SRGAP3: variants seen among roughly 807,000 people sequenced by gnomAD.
SRGAP3 encodes SLIT-ROBO Rho GTPase activating protein 3.
Under a neutral mutation model 121.1 loss-of-function variants are expected in SRGAP3, and 39 were observed. The ratio of observed to expected loss-of-function variants is 0.32; its 90% CI spans 0.25 to 0.42. SRGAP3 has a LOEUF of 0.42. SRGAP3 is among the 10% of genes least tolerant of loss of function. SRGAP3 has a pLI of 1.00. For synonymous variants in SRGAP3, 601 were observed against 570.0 expected (o/e 1.05, Z -0.77); for missense variants, 1,213 against 1,470.6 (o/e 0.82, Z 2.86).
At chr3:9,041,991 C>T (rs1945033367) in intron 10 of SRGAP3, among the ~76,000 whole-genome samples, 1 of 151,650 alleles carries the variant, frequency 6.6e-6, no homozygotes, top group African/African-American at 2.4e-5. Context: ...ATCCCGGCTA[C>T]TCGGGAGGCT....
At chr3:8,994,661 G>T in intron 18 of SRGAP3, 138 bp from the exon 19 acceptor site, 1 of 1,159,408 alleles carries the variant, frequency 8.6e-7, no homozygotes, top group Non-Finnish European at 1.2e-6. Context: ...CGCCTGGTGG[G>T]CTGGGGCTCA....
chr3:9,325,150 C>T (rs1422145081), intron 3 of SRGAP3, among the ~76,000 whole-genome samples: 6 of 151,764 alleles, frequency 4.0e-5, no homozygotes, highest in African/African-American at 1.4e-4. Context: ...AGAGAGACTA[C>T]TTGACGTTCT....
At chr3:9,340,537 C>T (rs1955768156) in intron 1 of SRGAP3, among the ~76,000 whole-genome samples, 1 of 152,180 alleles carries the variant, frequency 6.6e-6, no homozygotes, top group Non-Finnish European at 1.5e-5. Context: ...CACATGCCCT[C>T]CTTTAATGTG....
At chr3:8,987,013 C>T (rs539277019) in intron 21 of SRGAP3, among the ~76,000 whole-genome samples, 6 of 152,328 alleles carry the variant, frequency 3.9e-5, no homozygotes, top group East Asian at 1.9e-4. Flanking sequence ...CACAGGGCCC[C>T]GGACTTTTGA....
At chr3:9,299,304 T>C (rs1203628503) in intron 3 of SRGAP3, among the ~76,000 whole-genome samples, 1 of 141,660 alleles carries the variant, frequency 7.1e-6, no homozygotes, top group Non-Finnish European at 1.5e-5. Context: ...GAGACTGCAG[T>C]GAGCCAAGAT....
intron 4 of SRGAP3, among the ~76,000 whole-genome samples, chr3:9,070,250 T>C (rs1946637562): frequency 6.6e-6 from 1 of 152,216 alleles, no homozygotes; most frequent in Non-Finnish European, 1.5e-5. Context: ...AGGATAAGGA[T>C]CAGTTGTTAG....
chr3:9,008,440 T>C (rs1943192563), intron 18 of SRGAP3: 1 of 131,566 alleles, frequency 7.6e-6, no homozygotes, highest in Non-Finnish European at 1.6e-5. Flanking sequence ...ATGACAGGAG[T>C]AGGAGAGAGA....
At chr3:9,094,877 T>A (rs1947906049) in intron 3 of SRGAP3, among the ~76,000 whole-genome samples, 1 of 152,032 alleles carries the variant, frequency 6.6e-6, no homozygotes, top group Admixed American at 6.6e-5. Flanking sequence ...CACCTCAGCC[T>A]CCTGAGTAGC....
intron 3 of SRGAP3, among the ~76,000 whole-genome samples, chr3:9,098,818 AAT>A (rs1948093373): frequency 6.6e-6 from 1 of 152,206 alleles, no homozygotes; most frequent in Non-Finnish European, 1.5e-5. Flanking sequence ...TGCTAGTGCT[AAT>A]ATATGTTTAT....
chr3:9,224,361 G>C (rs1952916774), intron 1 of SRGAP3, among the ~76,000 whole-genome samples: 1 of 152,188 alleles, frequency 6.6e-6, no homozygotes, highest in Middle Eastern at 3.2e-3. Flanking sequence ...GGAGGAAAGT[G>C]TGAAGGGAGA....
chr3:8,990,591 G>A lies in SRGAP3; in HGVS notation c.2807C>T (p.Ser936Leu), dbSNP rs199811959. ...PDKKALSEGHSMRSTCGSTRH... is the reference protein window; with the variant it reads ...PDKKALSEGHLMRSTCGSTRH... ...GGTGGAACCGCAGGTCGACCTCATC[G>A]AGTGCCCTTCGGAGAGCGCCTTCTT... The change falls in exon 21 of 22, where the codon TCG (serine) becomes TTG (leucine). Residue 936 changes from serine (S) to leucine (L), a missense_variant. Physicochemically the swap from Ser to Leu is moderately radical, Grantham distance 145. This residue lies in a region of SRGAP3 where 420 missense variants were observed against 437.7 expected (regional missense o/e 0.96). Coordinates refer to ENST00000383836, the MANE Select transcript of SRGAP3 (RefSeq NM_014850.4). The A allele has an allele frequency of 1.3e-4, 213 of 1,601,762 alleles. No homozygotes were observed. The highest frequency in any genetic ancestry group is 1.7e-4 in the Non-Finnish European group (195 of 1,174,738).
chr3:9,062,257 G>A (rs760900958), intron 5 of SRGAP3, among the ~76,000 whole-genome samples: 7 of 152,086 alleles, frequency 4.6e-5, no homozygotes, highest in Non-Finnish European at 8.8e-5. Context: ...ATGAGAACTG[G>A]AGAGAAGTGG....
intron 1 of SRGAP3, among the ~76,000 whole-genome samples, chr3:9,247,206 A>G (rs1485373453): frequency 6.6e-6 from 1 of 152,228 alleles, no homozygotes; most frequent in African/African-American, 2.4e-5. Context: ...CCCTAAAAAG[A>G]GTCTATTCAA....
chr3:8,993,768 G>C (rs931629894), intron 19 of SRGAP3, among the ~76,000 whole-genome samples: 33 of 152,130 alleles, frequency 2.2e-4, no homozygotes, highest in African/African-American at 7.7e-4. Context: ...TGGTAAATCT[G>C]TTCTGCCGAG....
intron 1 of SRGAP3, chr3:9,216,826 T>G (rs1466320829): frequency 6.6e-6 from 1 of 152,514 alleles, no homozygotes; most frequent in Non-Finnish European, 1.5e-5. Flanking sequence ...GGGATATTAC[T>G]CCGCCTTAAA....
chr3:9,277,465 G>A (rs1954606357), intron 3 of SRGAP3, among the ~76,000 whole-genome samples: 1 of 151,754 alleles, frequency 6.6e-6, no homozygotes, highest in Non-Finnish European at 1.5e-5. Context: ...AAAATTAGCT[G>A]GGCATAGTGG....
chr3:8,994,014 CTAGGAG>C, intron 19 of SRGAP3: 2 of 406,318 alleles, frequency 4.9e-6, no homozygotes, highest in Non-Finnish European at 9.2e-6. Context: ...CAGGGGAGGC[CTAGGAG>C]GTGGAGGCAC....
chr3:9,116,950 A>G (rs998782431), intron 2 of SRGAP3, among the ~76,000 whole-genome samples: 1 of 152,236 alleles, frequency 6.6e-6, no homozygotes, highest in Non-Finnish European at 1.5e-5. Flanking sequence ...CATCCAGTAC[A>G]GCACTTGGTC....
intron 16 of SRGAP3, 96 bp from the exon 17 acceptor site, chr3:9,013,631 G>T (rs779228285): frequency 6.4e-7 from 1 of 1,551,272 alleles, no homozygotes; most frequent in Non-Finnish European, 8.9e-7. Context: ...ATCCAGGAGG[G>T]TTCCATGTTC....
Sources: gnomAD v4.1 joint callset for allele counts (sites outside exome capture counted in the v4.1 genomes callset) on GRCh38, gnomAD v4.1.1 for gene constraint, gnomAD v4.1.1 regional missense constraint, MANE v1.5 for transcripts, NCBI Gene and HGNC (gene_info 2026-07-23, HGNC 2026-07-21) for gene names.